STK3: variants seen among roughly 807,000 people sequenced by gnomAD.
STK3 encodes serine/threonine-protein kinase 3.
In STK3, 41 loss-of-function variants were observed where a neutral mutation model predicts 58.0. That is an observed-to-expected ratio of 0.71 (90% CI 0.55 to 0.92). The LOEUF (loss-of-function observed/expected upper bound fraction) is 0.92, where lower values mean the gene tolerates loss of function less well. Ranked by LOEUF, STK3 falls within the 40% of genes least tolerant of loss-of-function variation. STK3 has a pLI of 0.00. For synonymous variants in STK3, 170 were observed against 191.0 expected (o/e 0.89, Z 0.91); for missense variants, 479 against 602.7 (o/e 0.79, Z 2.15).
chr8:98,413,824 C>G (rs1818084965), intron 3 of STK3: 2 of 594,122 alleles, frequency 3.4e-6, no homozygotes, highest in Non-Finnish European at 6.4e-6. Flanking sequence ...ACCCACAAAC[C>G]CCTCCCAGAT....
intron 1 of STK3, among the ~76,000 whole-genome samples, chr8:98,897,590 G>A (rs1253817082): frequency 2.0e-5 from 3 of 152,006 alleles, no homozygotes; most frequent in African/African-American, 4.8e-5. Context: ...GCAAGACTCC[G>A]TCTCAAAAAC....
At chr8:98,849,491 A>G (rs1053013080) in intron 3 of STK3, among the ~76,000 whole-genome samples, 1 of 152,160 alleles carries the variant, frequency 6.6e-6, no homozygotes, top group Non-Finnish European at 1.5e-5. Context: ...ACTTCTAGTT[A>G]CCAATATTTA....
chr8:98,394,875 G>A (rs1183460741), intron 3 of STK3, among the ~76,000 whole-genome samples: 1 of 152,252 alleles, frequency 6.6e-6, no homozygotes, highest in Non-Finnish European at 1.5e-5. Context: ...GCCACAGAGA[G>A]AAGAAACATG....
intron 6 of STK3, chr8:98,602,293 G>A (rs565231025): frequency 6.6e-6 from 1 of 152,298 alleles, no homozygotes. Flanking sequence ...TTTGGGAGGC[G>A]ATTAGGTCAT....
intron 8 of STK3, among the ~76,000 whole-genome samples, chr8:98,565,583 T>C (rs536604102): frequency 4.6e-5 from 7 of 152,270 alleles, no homozygotes; most frequent in Non-Finnish European, 1.0e-4. Context: ...ATTTTCAAAA[T>C]AGCATCATTT....
chr8:98,422,781 T>G (rs1165847073), intron 3 of STK3, among the ~76,000 whole-genome samples: 2 of 152,152 alleles, frequency 1.3e-5, no homozygotes, highest in African/African-American at 4.8e-5. Context: ...GGGTGCAGAC[T>G]CATGGACACA....
At chr8:98,787,670 G>C (rs890331313) in intron 1 of STK3, among the ~76,000 whole-genome samples, 1 of 152,108 alleles carries the variant, frequency 6.6e-6, no homozygotes. Context: ...AGAGTCTTAA[G>C]AGCCATGAGG....
intron 10 of STK3, among the ~76,000 whole-genome samples, chr8:98,506,503 C>G (rs62532757): frequency 2.0e-5 from 3 of 151,724 alleles, no homozygotes; most frequent in Admixed American, 1.3e-4. Flanking sequence ...AGCTGCAGAC[C>G]GGAGCTGTTC....
At chr8:98,471,638 C>G (rs73274001) in intron 10 of STK3, among the ~76,000 whole-genome samples, 2 of 151,996 alleles carry the variant, frequency 1.3e-5, no homozygotes, top group African/African-American at 4.8e-5. Flanking sequence ...CTCCAAGTAC[C>G]GTTTCTACTG....
chr8:98,845,463 C>A (rs1182168162), intron 3 of STK3, among the ~76,000 whole-genome samples: 1 of 152,220 alleles, frequency 6.6e-6, no homozygotes, highest in East Asian at 1.9e-4. Flanking sequence ...TGACATCACA[C>A]ATGACAGCAC....
At chr8:98,527,298 C>T (rs886739106) in intron 9 of STK3, among the ~76,000 whole-genome samples, 1 of 151,924 alleles carries the variant, frequency 6.6e-6, no homozygotes, top group Non-Finnish European at 1.5e-5. Context: ...GCCTGCATTG[C>T]TATTGTTATT....
intron 6 of STK3, among the ~76,000 whole-genome samples, chr8:98,705,906 C>T (rs1401193672): frequency 1.3e-5 from 2 of 151,918 alleles, no homozygotes; most frequent in Non-Finnish European, 2.9e-5. Context: ...GCAGAGTTCA[C>T]AGAAGCATAT....
At chr8:98,570,083 T>C (rs1042050458) in intron 8 of STK3, among the ~76,000 whole-genome samples, 6 of 147,636 alleles carry the variant, frequency 4.1e-5, no homozygotes, top group Admixed American at 3.4e-4. Flanking sequence ...TGTAAAAATA[T>C]AAATATATAA....
chr8:98,555,811 T>C (rs1044386720), intron 8 of STK3, among the ~76,000 whole-genome samples: 18 of 152,006 alleles, frequency 1.2e-4, no homozygotes, highest in Admixed American at 2.0e-4. Flanking sequence ...GTTTTCAAGA[T>C]AGTAAGGGCT....
chr8:98,686,820 A>C (rs1472955827), intron 6 of STK3, among the ~76,000 whole-genome samples: 3 of 152,194 alleles, frequency 2.0e-5, no homozygotes, highest in Non-Finnish European at 4.4e-5. Context: ...TAAACCAAGC[A>C]AAAGAAAGAA....
upstream of STK3, among the ~76,000 whole-genome samples, chr8:98,825,916 T>C (rs1835270987): frequency 7.0e-6 from 1 of 142,616 alleles, no homozygotes; most frequent in African/African-American, 2.5e-5. Context: ...CCAGAGAAGG[T>C]GGACGGAGCC....
intron 3 of STK3, among the ~76,000 whole-genome samples, chr8:98,860,363 G>C (rs909309764): frequency 6.6e-6 from 1 of 152,204 alleles, no homozygotes. Flanking sequence ...GGAGCCTGCT[G>C]TGGGAAGACG....
At chr8:98,652,277 A>C (rs1245835770) in intron 6 of STK3, among the ~76,000 whole-genome samples, 1 of 152,120 alleles carries the variant, frequency 6.6e-6, no homozygotes, top group South Asian at 2.1e-4. Flanking sequence ...AGAAAAGCAA[A>C]TGCTGAGAGA....
intron 2 of STK3, among the ~76,000 whole-genome samples, chr8:98,769,853 A>C (rs1486573081): frequency 6.6e-6 from 1 of 152,254 alleles, no homozygotes; most frequent in Non-Finnish European, 1.5e-5. Context: ...TTAAATGTCC[A>C]GCTCAAGACT....
Sources: gnomAD v4.1 joint callset for allele counts (sites outside exome capture counted in the v4.1 genomes callset) on GRCh38, gnomAD v4.1.1 for gene constraint, MANE v1.5 for transcripts, NCBI Gene and HGNC (gene_info 2026-07-23, HGNC 2026-07-21) for gene names.